Variants in PPA2 observed in about 807,000 individuals in gnomAD.
PPA2 encodes the protein inorganic pyrophosphatase 2.
Under a neutral mutation model 49.5 loss-of-function variants are expected in PPA2, and 48 were observed. The ratio of observed to expected loss-of-function variants is 0.97; its 90% confidence interval spans 0.77 to 1.23. The LOEUF (loss-of-function observed/expected upper bound fraction) is 1.23, where lower values mean the gene tolerates loss of function less well. PPA2 is among the 50% of genes most tolerant of loss of function. PPA2 has a pLI of 0.00. For synonymous variants in PPA2, 131 were observed against 139.9 expected (o/e 0.94, Z 0.45); for missense variants, 429 against 410.1 (o/e 1.05, Z -0.40).
At position 105,380,334 on chromosome 4, in the gene PPA2, A is replaced by C. The variant is rs533500552; in HGVS notation, c.939+6233T>G. Among the ~76,000 whole-genome samples, 4 of 152,312 alleles carry C rather than the reference A, an allele frequency of 2.6e-5. No homozygotes were observed. The South Asian group carries it at 8.3e-4, about 32-fold the overall frequency. ...TTCTCTTAATATCTGTAGAATTAGC[A>C]GTGATATTACTTGTTTTGTGCCTTA... On this transcript the variant is annotated intron_variant, in intron 10 of 11. Coordinates refer to ENST00000341695, the MANE Select transcript of PPA2 (RefSeq NM_176869.3).
intron 9 of PPA2, 64 bp from the exon 10 acceptor site, chr4:105,386,700 C>A: frequency 1.5e-6 from 2 of 1,363,404 alleles, no homozygotes; most frequent in Middle Eastern, 1.8e-4. Flanking sequence ...CAAAAAAACC[C>A]CAAAAACTAA....
At chr4:105,449,083 G>A (rs1245129288) in intron 4 of PPA2, among the ~76,000 whole-genome samples, 1 of 139,484 alleles carries the variant, frequency 7.2e-6, no homozygotes, top group Non-Finnish European at 1.5e-5. Flanking sequence ...CGGGCGTAGT[G>A]GCGGGCGCCT....
intron 6 of PPA2, among the ~76,000 whole-genome samples, chr4:105,433,012 A>T (rs963617220): frequency 6.6e-6 from 1 of 152,250 alleles, no homozygotes; most frequent in African/African-American, 2.4e-5. Context: ...AATAAATGAG[A>T]TAATTCTTAT....
At chr4:105,444,246 T>C (rs1258228688) in intron 5 of PPA2, among the ~76,000 whole-genome samples, 1 of 152,120 alleles carries the variant, frequency 6.6e-6, no homozygotes, top group East Asian at 1.9e-4. Flanking sequence ...TTGTGGTGGA[T>C]AGACGTGAGA....
intron 7 of PPA2, among the ~76,000 whole-genome samples, chr4:105,416,960 C>T (rs1723042268): frequency 6.6e-6 from 1 of 152,154 alleles, no homozygotes; most frequent in Non-Finnish European, 1.5e-5. Context: ...ACTATATGCA[C>T]TGTAGCAGAA....
intron 2 of PPA2, among the ~76,000 whole-genome samples, chr4:105,454,432 G>A (rs1165177229): frequency 3.3e-5 from 5 of 151,968 alleles, no homozygotes; most frequent in Non-Finnish European, 7.4e-5. Flanking sequence ...CTGGGTTCAC[G>A]CCATTCTCCT....
chr4:105,445,025 C>T (rs1724537700), intron 5 of PPA2, among the ~76,000 whole-genome samples: 1 of 152,148 alleles, frequency 6.6e-6, no homozygotes, highest in Non-Finnish European at 1.5e-5. Context: ...CAATCTCACT[C>T]CCAAACCCAC....
chr4:105,440,481 T>G (rs749382379), intron 5 of PPA2, among the ~76,000 whole-genome samples: 3 of 152,074 alleles, frequency 2.0e-5, no homozygotes. Context: ...CAGGATGGTC[T>G]CAATCTCCTG....
intron 3 of PPA2, among the ~76,000 whole-genome samples, chr4:105,452,091 T>C (rs951428941): frequency 1.3e-5 from 2 of 152,148 alleles, no homozygotes; most frequent in Non-Finnish European, 2.9e-5. Context: ...GAAGTCAAAA[T>C]AGAAAAACTA....
chr4:105,462,344 A>G (rs1723127341), intron 1 of PPA2, among the ~76,000 whole-genome samples: 1 of 152,228 alleles, frequency 6.6e-6, no homozygotes, highest in South Asian at 2.1e-4. Context: ...ACAGTTGAAA[A>G]CAAGCTATTG....
At chr4:105,466,891 T>G (rs1291534874) in intron 1 of PPA2, among the ~76,000 whole-genome samples, 4 of 152,200 alleles carry the variant, frequency 2.6e-5, no homozygotes, top group Admixed American at 6.5e-5. Context: ...GTTCTTCCCT[T>G]ACCAGTCGAA....
chr4:105,462,893 G>T (rs1723152269), intron 1 of PPA2, among the ~76,000 whole-genome samples: 1 of 152,170 alleles, frequency 6.6e-6, no homozygotes, highest in Non-Finnish European at 1.5e-5. Flanking sequence ...TGATAGTGAG[G>T]CCTCCCTACC....
intron 2 of PPA2, 94 bp downstream of exon 2, chr4:105,456,587 A>G (rs1722883742): frequency 9.6e-7 from 1 of 1,044,670 alleles, no homozygotes. Flanking sequence ...CTGACTTCCA[A>G]CAACACTTTT....
chr4:105,371,507 G>C (rs1057373326), intron 10 of PPA2, among the ~76,000 whole-genome samples: 1 of 152,090 alleles, frequency 6.6e-6, no homozygotes. Context: ...CATCCAAGTA[G>C]AGAAATGAAA....
chr4:105,450,647 G>T (rs1206810747), intron 3 of PPA2, among the ~76,000 whole-genome samples: 3 of 114,742 alleles, frequency 2.6e-5, no homozygotes, highest in Admixed American at 1.2e-4. Context: ...TCGCTTTGTC[G>T]CCCAGGCTGG....
chr4:105,437,257 TC>T lies in PPA2; in HGVS notation c.528+692del, dbSNP rs549431598. 1.1e-3 allele frequency among the ~76,000 whole-genome samples: 109 copies of T among 100,342 alleles called. 2 individuals carry two copies. The South Asian group carries it at 0.018, about 17-fold the overall frequency. The allele number at this position is 100,342 out of a possible 152,430, so 65.8% of individuals were successfully genotyped here. On this transcript the variant is annotated intron_variant, in intron 6 of 11. Transcript: ENST00000341695. ...CATTGAAAGTTTTTATGTGCTGGTT[TC>T]TGAGCTCTACAAAATTAAAGGTAAG...
At chr4:105,399,336 CT>C (rs1481117422) in intron 7 of PPA2, 172 bp from the exon 8 acceptor site, 20 of 562,924 alleles carry the variant, frequency 3.6e-5, no homozygotes, top group East Asian at 3.4e-4. Context: ...CACCTTCAGA[CT>C]TTTGTGTTTT....
intron 2 of PPA2, 94 bp downstream of exon 2, chr4:105,456,584 CCAA>C (rs1722883650): frequency 9.9e-7 from 1 of 1,007,474 alleles, no homozygotes; most frequent in Non-Finnish European, 1.5e-6. Context: ...CTCCTGACTT[CCAA>C]CAACACTTTT....
chr4:105,440,844 G>T (rs1724327428), intron 5 of PPA2, among the ~76,000 whole-genome samples: 1 of 152,150 alleles, frequency 6.6e-6, no homozygotes, highest in Admixed American at 6.5e-5. Context: ...GAGAAATTAA[G>T]TACCCAAGTA....
Sources: gnomAD v4.1 joint callset for allele counts (sites outside exome capture counted in the v4.1 genomes callset) on GRCh38, gnomAD v4.1.1 for gene constraint, MANE v1.5 for transcripts, NCBI Gene and HGNC (gene_info 2026-07-23, HGNC 2026-07-21) for gene names.